Variants in LARP4 observed in about 807,000 individuals in gnomAD.
LARP4 encodes the protein la-related protein 4.
Under a neutral mutation model 92.9 loss-of-function variants are expected in LARP4, and 29 were observed. The observed-to-expected ratio is 0.31, with a 90% confidence interval of 0.23 to 0.43. The LOEUF (loss-of-function observed/expected upper bound fraction) is 0.43. LARP4 is among the 20% of genes least tolerant of loss of function. The pLI is 1.00. For missense variants in LARP4, 732 were observed against 860.0 expected (o/e 0.85, Z 1.86); for synonymous variants, 279 against 284.1 (o/e 0.98, Z 0.18).
intron 3 of LARP4, among the ~76,000 whole-genome samples, 184 bp from the exon 4 acceptor site, chr12:50,430,311 C>T (rs1242808167): frequency 5.9e-5 from 9 of 152,180 alleles, no homozygotes; most frequent in African/African-American, 1.9e-4. Flanking sequence ...CTATACTGAG[C>T]TGTGATCACA....
chr12:50,422,444 A>G (rs559717821), intron 1 of LARP4, among the ~76,000 whole-genome samples: 1 of 152,296 alleles, frequency 6.6e-6, no homozygotes, highest in Admixed American at 6.5e-5. Flanking sequence ...ATCAACCCTG[A>G]GATGCATATT....
chr12:50,415,987 G>A (rs1241128316), intron 1 of LARP4, among the ~76,000 whole-genome samples: 4 of 151,966 alleles, frequency 2.6e-5, no homozygotes, highest in African/African-American at 4.8e-5. Context: ...GATTATAGGC[G>A]TGAGCCACCG....
At chr12:50,457,461 C>A (rs1449752521) in intron 10 of LARP4, among the ~76,000 whole-genome samples, 2 of 152,152 alleles carry the variant, frequency 1.3e-5, no homozygotes, top group Middle Eastern at 3.2e-3. Flanking sequence ...CCCGCCTTGG[C>A]CTCCCAGAGT....
At chr12:50,454,500 G>C in intron 10 of LARP4, 83 bp downstream of exon 10, 1 of 1,026,624 alleles carries the variant, frequency 9.7e-7, no homozygotes, top group Non-Finnish European at 1.5e-6. Flanking sequence ...TTGTTGTCAG[G>C]CTCAGTAATA....
chr12:50,462,541 CCCTCCACCCCA>C, intron 11 of LARP4, 30 bp from the exon 12 acceptor site: 1 of 811,558 alleles, frequency 1.2e-6, no homozygotes, highest in Non-Finnish European at 2.1e-6. Flanking sequence ...TATGACTTGT[CCCTCCACCCCA>C]CCCCACCCCC....
intron 10 of LARP4, among the ~76,000 whole-genome samples, chr12:50,458,941 A>T (rs1954829435): frequency 6.6e-6 from 1 of 152,180 alleles, no homozygotes; most frequent in African/African-American, 2.4e-5. Flanking sequence ...GCTGTCCTAC[A>T]TATGGATCTT....
intron 8 of LARP4, among the ~76,000 whole-genome samples, chr12:50,450,090 C>G (rs1056097506): frequency 6.6e-6 from 1 of 151,546 alleles, no homozygotes; most frequent in Non-Finnish European, 1.5e-5. Flanking sequence ...TGCACCACCA[C>G]GCCCAGCTAA....
Position 50,454,375 on chromosome 12 carries a change from ATGC to A in LARP4, c.1087_1089del (p.Ala363del), listed in dbSNP as rs1198616240. On this transcript the variant is annotated inframe_deletion, in exon 10 of 16. Coordinates refer to ENST00000398473, the MANE Select transcript of LARP4 (RefSeq NM_052879.5). Reference sequence around the variant, plus strand: ...AATTCGCCAGGATCTTATAAAACAAATGCTGCTGCTATGAATATGGGTCGACCA... The same window carrying A: ...AATTCGCCAGGATCTTATAAAACAAATGCTGCTATGAATATGGGTCGACCA... 2.5e-6 allele frequency: 4 copies of A among 1,613,586 alleles called. No homozygotes were observed. The highest frequency in any genetic ancestry group is 2.2e-5 in the East Asian group (1 of 44,846).
chr12:50,446,059 G>C (rs1951982095), intron 8 of LARP4, among the ~76,000 whole-genome samples: 2 of 144,412 alleles, frequency 1.4e-5, no homozygotes, highest in Non-Finnish European at 3.0e-5. Context: ...CTGGAGTGCA[G>C]TGGCACAAAC....
intron 7 of LARP4, among the ~76,000 whole-genome samples, chr12:50,441,047 C>G (rs1227907497): frequency 6.6e-6 from 1 of 151,962 alleles, no homozygotes; most frequent in African/African-American, 2.4e-5. Context: ...CTACACCCAG[C>G]TAATTTTTTG....
At chr12:50,410,845 TTC>T (rs1390997354) in intron 1 of LARP4, among the ~76,000 whole-genome samples, 3 of 152,098 alleles carry the variant, frequency 2.0e-5, no homozygotes, top group Non-Finnish European at 4.4e-5. Flanking sequence ...TGGCGTCAGG[TTC>T]TTTTGATGAA....
At chr12:50,437,556 A>C (rs575401255) in intron 5 of LARP4, among the ~76,000 whole-genome samples, 179 bp from the exon 6 acceptor site, 1 of 152,314 alleles carries the variant, frequency 6.6e-6, no homozygotes, top group African/African-American at 2.4e-5. Context: ...CTTTACATAC[A>C]AATCTCCAAA....
chr12:50,402,809 C>G (rs918227722), intron 1 of LARP4: 1 of 454,860 alleles, frequency 2.2e-6, no homozygotes, highest in African/African-American at 2.0e-5. Flanking sequence ...TGTCCGACTC[C>G]CCAGGTTAGA....
intron 13 of LARP4, among the ~76,000 whole-genome samples, chr12:50,472,390 T>C (rs1337968569): frequency 2.6e-5 from 4 of 152,228 alleles, no homozygotes; most frequent in African/African-American, 7.2e-5. Context: ...TGACTACTCT[T>C]AGTAATTCAT....
chr12:50,451,242 A>G (rs1953133476), intron 8 of LARP4, among the ~76,000 whole-genome samples: 1 of 152,140 alleles, frequency 6.6e-6, no homozygotes, highest in African/African-American at 2.4e-5. Flanking sequence ...TCCCTAGCTT[A>G]TGGTAACCAC....
At chr12:50,463,894 C>G (rs527650413) in intron 12 of LARP4, among the ~76,000 whole-genome samples, 2 of 152,078 alleles carry the variant, frequency 1.3e-5, no homozygotes, top group Non-Finnish European at 2.9e-5. Context: ...AGATCTGTGC[C>G]CCTGGAGCAG....
At chr12:50,456,613 C>G (rs1257388743) in intron 10 of LARP4, among the ~76,000 whole-genome samples, 1 of 152,164 alleles carries the variant, frequency 6.6e-6, no homozygotes, top group Non-Finnish European at 1.5e-5. Flanking sequence ...GAGAATAGGA[C>G]TAACTTTCAG....
rs183033341 is a variant in LARP4, at chr12:50,404,659, C to T, written c.18+3631C>T. 2.6e-5 allele frequency among the ~76,000 whole-genome samples: 4 copies of T among 151,070 alleles called. No homozygotes were observed. In the East Asian group the frequency reaches 7.8e-4, roughly 29 times the overall value. On this transcript the variant is annotated intron_variant, in intron 1 of 15. Transcript: ENST00000398473. The stretch of plus-strand genomic sequence containing the variant: ...TGGCGCAGTCTCAGCTCACTGCAAC[C>T]TCCGCCTCCTGGGTTCAAGCAGTTT...
intron 8 of LARP4, among the ~76,000 whole-genome samples, chr12:50,451,172 T>C (rs1048802718): frequency 1.3e-5 from 2 of 152,218 alleles, no homozygotes; most frequent in African/African-American, 4.8e-5. Context: ...CCAGAACTTA[T>C]TTCTTCTAAC....
Sources: allele counts gnomAD v4.1 joint callset (sites outside exome capture counted in the v4.1 genomes callset), GRCh38; gene constraint gnomAD v4.1.1; transcripts MANE v1.5; gene names NCBI Gene and HGNC (gene_info 2026-07-23, HGNC 2026-07-21).